Variants in MTURN observed in about 807,000 individuals in gnomAD.
MTURN encodes the protein maturin.
Under a neutral mutation model 14.9 loss-of-function variants are expected in MTURN, and 7 were observed. The observed-to-expected ratio is 0.47, with a 90% CI of 0.27 to 0.88. The LOEUF (loss-of-function observed/expected upper bound fraction) is 0.88, where lower values mean the gene tolerates loss of function less well. Among genes scored for constraint, MTURN ranks in the 40% least tolerant of loss-of-function variants. The pLI is 0.14. For synonymous variants in MTURN, 69 were observed against 72.5 expected, an observed-to-expected ratio of 0.95 and a Z score of 0.25; for missense variants, 151 against 174.1, an observed-to-expected ratio of 0.87 and a Z score of 0.75.
chr7:30,160,330 A>T lies in MTURN; in HGVS notation c.*2782A>T, dbSNP rs1372693569. 6.6e-6 allele frequency: 1 copy of T among 152,306 alleles called. No homozygotes were observed. The allele number at this position is 152,306 out of a possible 1,614,324, so 9.4% of individuals were successfully genotyped here. ...TGGGGCAGATGAAATTCTCTTCCTT[A>T]GAGGAAAGGGAAAGGTGAGGCCCCA... On this transcript the variant is annotated 3_prime_UTR_variant, in exon 3 of 3. Transcript: ENST00000324453.
intron 1 of MTURN, among the ~76,000 whole-genome samples, chr7:30,135,759 T>G (rs1241164838): frequency 6.6e-6 from 1 of 152,140 alleles, no homozygotes; most frequent in Non-Finnish European, 1.5e-5. Flanking sequence ...CCGTCCGGGA[T>G]AGGAATCCCG....
intron 1 of MTURN, among the ~76,000 whole-genome samples, chr7:30,142,565 C>T (rs1583504130): frequency 6.6e-6 from 1 of 152,310 alleles, no homozygotes; most frequent in East Asian, 1.9e-4. Flanking sequence ...ATTCTCAGCT[C>T]ACTGAATAGT....
chr7:30,157,576 T>A lies in MTURN; in HGVS notation c.*28T>A, dbSNP rs1359647593. 2 of 1,552,874 alleles carry A rather than the reference T, an allele frequency of 1.3e-6. No homozygotes were observed. The highest frequency in any genetic ancestry group is 2.0e-5 in the Admixed American group (1 of 51,132). ...CTGGGGGCTCCCCTGAGAAGGAGAG[T>A]GAGCCCCACAGTAACCTAGGTGGGG... On this transcript the variant is annotated 3_prime_UTR_variant, in exon 3 of 3. Coordinates refer to ENST00000324453, the MANE Select transcript of MTURN (RefSeq NM_152793.3).
intron 1 of MTURN, chr7:30,137,453 T>C (rs1008683983): frequency 2.4e-5 from 9 of 376,164 alleles, no homozygotes; most frequent in African/African-American, 1.9e-4. Flanking sequence ...ATTATTTGTA[T>C]CAGGCCTTTC....
intron 2 of MTURN, among the ~76,000 whole-genome samples, chr7:30,152,342 C>T (rs867367571): frequency 2.0e-5 from 3 of 152,056 alleles, no homozygotes; most frequent in East Asian, 1.9e-4. Context: ...TTCCCCATAC[C>T]GCCAGCATCA....
Position 30,157,441 on chromosome 7 carries a change from CT to C in MTURN, c.290del (p.Leu97ArgfsTer69). 1 of 1,596,316 alleles carries C rather than the reference CT, an allele frequency of 6.3e-7. No homozygotes were observed. The highest frequency in any genetic ancestry group is 8.5e-7 in the Non-Finnish European group (1 of 1,172,678). On this transcript the variant is annotated frameshift_variant, in exon 3 of 3. Coordinates refer to ENST00000324453, the MANE Select transcript of MTURN (RefSeq NM_152793.3). LOFTEE classifies it high-confidence loss of function. Reference sequence around the variant, plus strand: ...TTCTCTTGTTCTCTCCCTGTAGTTACTGGGGCTTCCGGATGCAGATGACGAT... The same window carrying C: ...TTCTCTTGTTCTCTCCCTGTAGTTACGGGGCTTCCGGATGCAGATGACGAT... The part of the protein sequence containing the change: ...EKVFKSFRPL[L>X]GLPDADDDAF...
At chr7:30,146,115 T>C in intron 1 of MTURN, 62 bp from the exon 2 acceptor site, 1 of 1,607,150 alleles carries the variant, frequency 6.2e-7, no homozygotes, top group South Asian at 1.1e-5. Flanking sequence ...TTTCTGAACT[T>C]CACACTGAGT....
At chr7:30,138,747 A>G (rs1797004272) in intron 1 of MTURN, among the ~76,000 whole-genome samples, 1 of 152,038 alleles carries the variant, frequency 6.6e-6, no homozygotes, top group African/African-American at 2.4e-5. Flanking sequence ...TTGACTTCCC[A>G]TCTTTTATAA....
intron 2 of MTURN, among the ~76,000 whole-genome samples, chr7:30,154,986 G>A (rs1010871283): frequency 1.3e-5 from 2 of 152,204 alleles, no homozygotes; most frequent in African/African-American, 2.4e-5. Context: ...GAGAGGGAGG[G>A]TGTTGAGTGC....
At chr7:30,148,300 G>A (rs1797157618) in intron 2 of MTURN, among the ~76,000 whole-genome samples, 1 of 152,324 alleles carries the variant, frequency 6.6e-6, no homozygotes, top group Middle Eastern at 3.4e-3. Flanking sequence ...CTCGGGGTTG[G>A]ACAACACCTG....
Position 30,158,672 on chromosome 7 carries a change from T to TA in MTURN, c.*1125dup, listed in dbSNP as rs889108107. The TA allele has an allele frequency of 6.6e-6, 1 of 152,228 alleles. No individual in the cohort carries two copies. The highest frequency in any genetic ancestry group is 1.5e-5 in the Non-Finnish European group (1 of 68,032). 9.4% of individuals were successfully genotyped at this position (152,228 alleles called of 1,614,324 possible). A position where few individuals can be genotyped will look rare whatever the true frequency, so the allele number is the denominator to read the frequency against. The stretch of plus-strand genomic sequence containing the variant: ...ACAGGGAACGTTTTAATAATCAAGA[T>TA]ACTCAGACAACTCACAGAAACAACT... On this transcript the variant is annotated 3_prime_UTR_variant, in exon 3 of 3. Coordinates refer to ENST00000324453, the MANE Select transcript of MTURN (RefSeq NM_152793.3).
intron 1 of MTURN, chr7:30,145,923 T>G: frequency 6.4e-7 from 1 of 1,551,706 alleles, no homozygotes; most frequent in Non-Finnish European, 8.7e-7. Context: ...CTCTTTACTG[T>G]GTAGGAGCAG....
intron 1 of MTURN, among the ~76,000 whole-genome samples, chr7:30,142,835 CCGTACCCAGATTCATGTTTGCCAGGG>C (rs1797072232): frequency 6.6e-6 from 1 of 152,224 alleles, no homozygotes; most frequent in African/African-American, 2.4e-5. Flanking sequence ...TCAGTACTTT[CCGTACCCAGATTCATGTTTGCCAGGG>C]CGTTGCATTG....
At chr7:30,140,415 G>GTGTGTATATATATATATATA (rs33952294) in intron 1 of MTURN, among the ~76,000 whole-genome samples, 73 of 143,812 alleles carry the variant, frequency 5.1e-4, no homozygotes, top group Non-Finnish European at 8.8e-4. Context: ...GTGTGTGTGT[G>GTGTGTATATATATATATATA]TATCCCCATT....
chr7:30,150,784 G>A (rs751424670), intron 2 of MTURN, among the ~76,000 whole-genome samples: 2 of 152,210 alleles, frequency 1.3e-5, no homozygotes, highest in East Asian at 1.9e-4. Flanking sequence ...CATCTTGGCT[G>A]CCTCAGCTCC....
intron 1 of MTURN, among the ~76,000 whole-genome samples, chr7:30,145,449 A>G (rs2128031597): frequency 6.6e-6 from 1 of 152,304 alleles, no homozygotes; most frequent in Non-Finnish European, 1.5e-5. Flanking sequence ...AGTTAAGATC[A>G]TGCCACTGCA....
intron 2 of MTURN, among the ~76,000 whole-genome samples, chr7:30,148,694 G>A (rs1307053025): frequency 2.0e-5 from 3 of 150,982 alleles, no homozygotes; most frequent in Non-Finnish European, 4.4e-5. Flanking sequence ...AAAAGGGAGA[G>A]AAGGCTGACC....
intron 1 of MTURN, among the ~76,000 whole-genome samples, chr7:30,143,105 G>A (rs1249746622): frequency 6.6e-6 from 1 of 151,910 alleles, no homozygotes; most frequent in Non-Finnish European, 1.5e-5. Context: ...TTTTGGAATG[G>A]GCCCCTGTAT....
intron 2 of MTURN, among the ~76,000 whole-genome samples, chr7:30,147,947 C>T (rs1201873893): frequency 6.6e-6 from 1 of 152,184 alleles, no homozygotes; most frequent in Non-Finnish European, 1.5e-5. Context: ...GTTTTGGGTA[C>T]CCACTGGGTA....
Sources: gnomAD v4.1 joint callset for allele counts (sites outside exome capture counted in the v4.1 genomes callset) on GRCh38, gnomAD v4.1.1 for gene constraint, MANE v1.5 for transcripts, NCBI Gene and HGNC (gene_info 2026-07-23, HGNC 2026-07-21) for gene names.